The following SIPA1L2 variants were observed in gnomAD, a reference collection of about 807,000 sequenced individuals.
SIPA1L2 encodes the protein signal induced proliferation associated 1 like 2.
In SIPA1L2, 56 loss-of-function variants were observed where a neutral mutation model predicts 163.9. The ratio of observed to expected loss-of-function variants is 0.34; its 90% confidence interval spans 0.28 to 0.43. The LOEUF (loss-of-function observed/expected upper bound fraction) is 0.43. Among genes scored for constraint, SIPA1L2 ranks in the 20% least tolerant of loss-of-function variants. The pLI, the probability that SIPA1L2 is intolerant of heterozygous loss-of-function variation, is 1.00. For synonymous variants in SIPA1L2, 877 were observed against 865.7 expected (o/e 1.01, Z -0.23); for missense variants, 1,974 against 2,193.5 (o/e 0.90, Z 2.00).
At chr1:232,593,183 T>C (rs1247948513) in intron 1 of SIPA1L2, among the ~76,000 whole-genome samples, 2 of 152,206 alleles carry the variant, frequency 1.3e-5, no homozygotes, top group Non-Finnish European at 2.9e-5. Flanking sequence ...AAAACAATAA[T>C]ATATATTTTT....
At chr1:232,539,851 T>A (rs1207667153) in intron 2 of SIPA1L2, among the ~76,000 whole-genome samples, 1 of 152,190 alleles carries the variant, frequency 6.6e-6, no homozygotes, top group African/African-American at 2.4e-5. Context: ...TTCTACCAGT[T>A]TTCATTACGC....
Position 232,514,991 on chromosome 1 carries a change from C to G in SIPA1L2, c.349G>C (p.Gly117Arg), listed in dbSNP as rs761046388. ...TGACCTTCACTCTGGTCACTCTGCCCATTCTGCAGGACAGAAGTGATGCTT... is the reference window on the plus strand; with the variant it reads ...TGACCTTCACTCTGGTCACTCTGCCGATTCTGCAGGACAGAAGTGATGCTT... ...YESITSVLQN[G>R]QSDQSEGQQD... The change falls in exon 3 of 23, where the codon GGG (glycine) becomes CGG (arginine). Residue 117 changes from glycine (G) to arginine (R), a missense_variant. Transcript: ENST00000674635. 6.2e-7 allele frequency: 1 copy of G among 1,614,070 alleles called. No individual in the cohort carries two copies. Among genetic ancestry groups the G allele is most frequent in the African/African-American group, 1.3e-5 (1 of 74,932 alleles).
At chr1:232,548,316 G>C (rs1421730457) in intron 2 of SIPA1L2, among the ~76,000 whole-genome samples, 1 of 152,148 alleles carries the variant, frequency 6.6e-6, no homozygotes, top group Non-Finnish European at 1.5e-5. Flanking sequence ...CACAGCTGAA[G>C]AGCCACCCTG....
intron 16 of SIPA1L2, among the ~76,000 whole-genome samples, chr1:232,431,792 C>T (rs933566589): frequency 2.0e-5 from 3 of 152,180 alleles, no homozygotes; most frequent in Non-Finnish European, 4.4e-5. Context: ...TCCTACGTGC[C>T]CACCACGCCC....
intron 12 of SIPA1L2, among the ~76,000 whole-genome samples, chr1:232,443,067 C>A (rs556339453): frequency 2.0e-5 from 3 of 152,312 alleles, no homozygotes; most frequent in South Asian, 4.1e-4. Context: ...CAGGAGCGCA[C>A]CCTGGTGCCA....
intron 2 of SIPA1L2, among the ~76,000 whole-genome samples, chr1:232,521,694 C>T (rs140240287): frequency 3.8e-4 from 58 of 152,332 alleles, no homozygotes; most frequent in African/African-American, 1.4e-3. Context: ...AGTATCATAA[C>T]ACATGCTTGG....
intron 1 of SIPA1L2, among the ~76,000 whole-genome samples, chr1:232,608,047 C>CAAAAAAAAAAAAAAAAAAAAAAAAAA (rs56208215): frequency 1.5e-5 from 1 of 67,496 alleles, no homozygotes; most frequent in African/African-American, 6.8e-5. Flanking sequence ...AACTCCATCT[C>CAAAAAAAAAAAAAAAAAAAAAAAAAA]AAAAAAAAAA....
chr1:232,592,564 C>T (rs936465807), intron 1 of SIPA1L2, among the ~76,000 whole-genome samples: 2 of 152,118 alleles, frequency 1.3e-5, no homozygotes, highest in Non-Finnish European at 2.9e-5. Flanking sequence ...GTAGTCTATA[C>T]ACTCCTGGCC....
At chr1:232,450,581 T>C (rs930804734) in intron 10 of SIPA1L2, among the ~76,000 whole-genome samples, 5 of 152,226 alleles carry the variant, frequency 3.3e-5, no homozygotes, top group African/African-American at 4.8e-5. Context: ...CTGACTACCA[T>C]TGAAGTTACA....
chr1:232,419,976 A>C (rs1661475278), intron 18 of SIPA1L2, among the ~76,000 whole-genome samples: 1 of 152,222 alleles, frequency 6.6e-6, no homozygotes, highest in African/African-American at 2.4e-5. Flanking sequence ...AGCCCTGTCA[A>C]CAAACAGATG....
rs12563572 is a variant in SIPA1L2, at chr1:232,618,288, T to G, written c.-319+11581A>C. On this transcript the variant is annotated intron_variant, in intron 1 of 22. Transcript: ENST00000674635. ...GCAAACGAACAACACCCCAGAGACC[T>G]GGGGGCGGAAGGGATGCTCAGGCGA... is the stretch of plus-strand genomic sequence containing the variant. Among the ~76,000 whole-genome samples, 4,544 of 152,168 alleles carry G rather than the reference T, an allele frequency of 0.03. 378 individuals are homozygous for G. In the East Asian group the frequency reaches 0.35, roughly 12 times the overall value.
chr1:232,410,844 T>A (rs1660912333), intron 19 of SIPA1L2, among the ~76,000 whole-genome samples: 2 of 152,146 alleles, frequency 1.3e-5, no homozygotes, highest in Admixed American at 6.5e-5. Flanking sequence ...AGAGAACATA[T>A]TAATTAGAAA....
intron 2 of SIPA1L2, among the ~76,000 whole-genome samples, chr1:232,523,620 G>C (rs1175885091): frequency 6.6e-6 from 1 of 152,140 alleles, no homozygotes; most frequent in Non-Finnish European, 1.5e-5. Flanking sequence ...GGGTAGCAAA[G>C]AAGAGAACAT....
At position 232,551,854 on chromosome 1, in the gene SIPA1L2, C is replaced by T. The variant is rs1658404193; in HGVS notation, c.-270+22320G>A. ...TTATTTTTTATTTATTTATTTTCCCCATGAGAAGAAGTCTCGCTCTTGTAC... is the reference window on the plus strand; with the variant it reads ...TTATTTTTTATTTATTTATTTTCCCTATGAGAAGAAGTCTCGCTCTTGTAC... On this transcript the variant is annotated intron_variant, in intron 2 of 22. Coordinates refer to ENST00000674635, the MANE Select transcript of SIPA1L2 (RefSeq NM_020808.5). 2.0e-5 allele frequency among the ~76,000 whole-genome samples: 3 copies of T among 152,152 alleles called. No homozygotes were observed. In the South Asian group the frequency reaches 6.2e-4, roughly 31 times the overall value.
At chr1:232,512,149 A>C (rs1350078016) in intron 3 of SIPA1L2, among the ~76,000 whole-genome samples, 1 of 152,248 alleles carries the variant, frequency 6.6e-6, no homozygotes, top group Non-Finnish European at 1.5e-5. Context: ...CATTAAAGAA[A>C]TGCAAATCAA....
At position 232,515,487 on chromosome 1, in the gene SIPA1L2, C is replaced by T; in HGVS notation, c.-148G>A. 1 of 771,816 alleles carries T rather than the reference C, an allele frequency of 1.3e-6. No individual in the cohort carries two copies. 47.8% of individuals were successfully genotyped at this position (771,816 alleles called of 1,614,324 possible). A position where few individuals can be genotyped will look rare whatever the true frequency, so the allele number is the denominator to read the frequency against. ...TTTCTTAGCCCAAAGCAAACAACAT[C>T]CTCAGAATACAGTTTCTTCAAAGCC... is the stretch of plus-strand genomic sequence containing the variant. On this transcript the variant is annotated 5_prime_UTR_variant, in exon 3 of 23. Transcript: ENST00000674635.
At chr1:232,520,325 C>T (rs533597132) in intron 2 of SIPA1L2, among the ~76,000 whole-genome samples, 2 of 152,254 alleles carry the variant, frequency 1.3e-5, no homozygotes, top group Non-Finnish European at 2.9e-5. Flanking sequence ...TAGTGGGGTG[C>T]CCCCAAGTGA....
intron 19 of SIPA1L2, among the ~76,000 whole-genome samples, chr1:232,413,832 T>A (rs1026911816): frequency 1.3e-5 from 2 of 152,226 alleles, no homozygotes; most frequent in African/African-American, 4.8e-5. Flanking sequence ...ATCTTATCTC[T>A]GGTCTAATCT....
At chr1:232,399,990 T>C (rs1276127815) in intron 22 of SIPA1L2, among the ~76,000 whole-genome samples, 1 of 152,078 alleles carries the variant, frequency 6.6e-6, no homozygotes, top group African/African-American at 2.4e-5. Context: ...TGCAGGAGCA[T>C]TGAGTGAGGT....
Sources: allele counts gnomAD v4.1 joint callset (sites outside exome capture counted in the v4.1 genomes callset), GRCh38; gene constraint gnomAD v4.1.1; transcripts MANE v1.5; gene names NCBI Gene and HGNC (gene_info 2026-07-23, HGNC 2026-07-21).